The following NOSTRIN variants were observed in gnomAD, a reference collection of about 807,000 sequenced individuals.
The protein encoded by NOSTRIN is BM247 homolog.
Under a neutral mutation model 59.0 loss-of-function variants are expected in NOSTRIN, and 63 were observed. That is an observed-to-expected ratio of 1.07 (90% CI 0.87 to 1.32). NOSTRIN has a LOEUF of 1.32. Among genes scored for constraint, NOSTRIN ranks in the 40% most tolerant of loss-of-function variants. The pLI is 0.00. For synonymous variants in NOSTRIN, 200 were observed against 165.4 expected (o/e 1.21, Z -1.61); for missense variants, 512 against 473.1 (o/e 1.08, Z -0.76).
At chr2:168,856,530 G>A (rs1407760420) in intron 11 of NOSTRIN, 160 bp from the exon 12 acceptor site, 10 of 607,880 alleles carry the variant, frequency 1.6e-5, no homozygotes, top group African/African-American at 3.7e-5. Context: ...AGCCGAGATC[G>A]CGCCACTGCA....
At chr2:168,794,009 A>G (rs935704336), upstream of NOSTRIN, among the ~76,000 whole-genome samples, 9 of 152,186 alleles carry the variant, frequency 5.9e-5, no homozygotes, top group Admixed American at 3.3e-4. Flanking sequence ...CCTCTTCTAT[A>G]TCATATCTTC....
chr2:168,826,936 T>C (rs1220551448), intron 3 of NOSTRIN, among the ~76,000 whole-genome samples: 1 of 152,196 alleles, frequency 6.6e-6, no homozygotes, highest in East Asian at 1.9e-4. Flanking sequence ...TAGAGATTCA[T>C]TTAGTGTTTT....
chr2:168,835,554 G>T (rs1208085641), intron 7 of NOSTRIN, among the ~76,000 whole-genome samples: 1 of 152,122 alleles, frequency 6.6e-6, no homozygotes, highest in East Asian at 1.9e-4. Flanking sequence ...CAATCCACAG[G>T]TTCTTGGCAG....
At chr2:168,837,109 A>T (rs934209607) in intron 7 of NOSTRIN, among the ~76,000 whole-genome samples, 1 of 152,030 alleles carries the variant, frequency 6.6e-6, no homozygotes, top group African/African-American at 2.4e-5. Flanking sequence ...AATCCCATTC[A>T]TGAGGGTTCC....
chr2:168,844,284 C>T (rs1688269839), intron 8 of NOSTRIN, among the ~76,000 whole-genome samples: 1 of 152,098 alleles, frequency 6.6e-6, no homozygotes, highest in South Asian at 2.1e-4. Flanking sequence ...CCTGGTGAAG[C>T]AGTACAACCC....
At chr2:168,821,842 A>T (rs1216726494) in intron 2 of NOSTRIN, among the ~76,000 whole-genome samples, 1 of 152,244 alleles carries the variant, frequency 6.6e-6, no homozygotes, top group African/African-American at 2.4e-5. Flanking sequence ...GCCTGGCAGG[A>T]AGGGAAATCG....
At chr2:168,861,936 T>C (rs746094861) in intron 14 of NOSTRIN, 24 bp from the exon 15 acceptor site, 16 of 1,608,670 alleles carry the variant, frequency 9.9e-6, no homozygotes, top group Non-Finnish European at 1.4e-5. Flanking sequence ...CACAGCATAC[T>C]AATTACAGCT....
upstream of NOSTRIN, among the ~76,000 whole-genome samples, chr2:168,793,498 CTGCT>C (rs1685408799): frequency 6.6e-6 from 1 of 152,096 alleles, no homozygotes; most frequent in African/African-American, 2.4e-5. Flanking sequence ...TTAGCTCTAA[CTGCT>C]TGGAAGGCTG....
intron 2 of NOSTRIN, among the ~76,000 whole-genome samples, chr2:168,791,715 T>C (rs1272142715): frequency 6.7e-6 from 1 of 150,072 alleles, no homozygotes; most frequent in Non-Finnish European, 1.5e-5. Context: ...CTCATTGTGG[T>C]TTTGATTTGC....
Position 168,811,565 on chromosome 2 carries a change from A to G in NOSTRIN, c.28-2A>G. On this transcript the variant is annotated splice_acceptor_variant, in intron 1 of 15. Transcript: ENST00000317647. LOFTEE classifies it high-confidence loss of function. ...TTTTTTGTTATTGTTCTTGTTTTTCAGTATAATAAAGTATACAAGAACCTA... is the reference window on the plus strand; with the variant it reads ...TTTTTTGTTATTGTTCTTGTTTTTCGGTATAATAAAGTATACAAGAACCTA... 1 of 813,542 alleles carries G rather than the reference A, an allele frequency of 1.2e-6. No individual in the cohort carries two copies. The highest frequency in any genetic ancestry group is 2.1e-6 in the Non-Finnish European group (1 of 476,768). 50.4% of individuals were successfully genotyped at this position (813,542 alleles called of 1,614,324 possible).
intron 7 of NOSTRIN, among the ~76,000 whole-genome samples, chr2:168,835,241 A>T (rs563517075): frequency 9.9e-5 from 15 of 150,906 alleles, no homozygotes; most frequent in African/African-American, 3.4e-4. Flanking sequence ...TGCTCGGCTA[A>T]TTTTTTTTTG....
chr2:168,859,357 ATT>A, intron 12 of NOSTRIN, 153 bp from the exon 13 acceptor site: 1 of 1,117,002 alleles, frequency 9.0e-7, no homozygotes. Context: ...TTATTCCTCC[ATT>A]TTTTTTTCCT....
At chr2:168,824,224 C>T (rs960968515) in intron 2 of NOSTRIN, among the ~76,000 whole-genome samples, 1 of 152,154 alleles carries the variant, frequency 6.6e-6, no homozygotes, top group Non-Finnish European at 1.5e-5. Context: ...TCAGCCTGAT[C>T]TCTCCTTCTT....
chr2:168,862,493 T>G (rs1261110274), intron 15 of NOSTRIN, among the ~76,000 whole-genome samples: 1 of 152,162 alleles, frequency 6.6e-6, no homozygotes. Context: ...TTTTTATTTT[T>G]TAGAAGCTAG....
intron 11 of NOSTRIN, chr2:168,856,194 A>G (rs187363326): frequency 4.4e-6 from 1 of 224,912 alleles, no homozygotes; most frequent in African/African-American, 2.4e-5. Context: ...CTCAAATTTC[A>G]TTAAGTGAAG....
At chr2:168,805,845 T>C (rs1321316026) in intron 1 of NOSTRIN, among the ~76,000 whole-genome samples, 1 of 152,178 alleles carries the variant, frequency 6.6e-6, no homozygotes, top group Non-Finnish European at 1.5e-5. Flanking sequence ...CCTAGGAGAA[T>C]CTGACTCGCT....
At chr2:168,805,232 T>C (rs949472428) in intron 1 of NOSTRIN, among the ~76,000 whole-genome samples, 11 of 152,208 alleles carry the variant, frequency 7.2e-5, no homozygotes, top group Non-Finnish European at 2.9e-5. Flanking sequence ...GCAAGGTCAG[T>C]GTTTGAGTTC....
intron 2 of NOSTRIN, among the ~76,000 whole-genome samples, chr2:168,788,892 A>AAGATAGATAGAT (rs4000833): frequency 0.012 from 1,718 of 148,376 alleles, 14 homozygotes; most frequent in East Asian, 0.023. Flanking sequence ...CACAGATAAA[A>AAGATAGATAGAT]AGATAGATAG....
rs545174739 is a variant in NOSTRIN at position 168,859,599 on chromosome 2, C to T, written c.1141C>T (p.His381Tyr). The T allele has an allele frequency of 1.9e-6, 3 of 1,614,108 alleles. No individual in the cohort carries two copies. Among genetic ancestry groups the T allele is most frequent in the East Asian group, 2.2e-5 (1 of 44,872 alleles). Reference protein sequence around the residue: ...AELEQRPQPSHPCSNSIFRWR... With the variant: ...AELEQRPQPSYPCSNSIFRWR... ...ACTTGAGCAAAGACCTCAACCCAGC[C>T]ATCCTTGTAGTAATTCCATCTTCAG... Residue 381 changes from histidine (H) to tyrosine (Y), a missense_variant, in exon 13 of 16, where the codon CAT (histidine) becomes TAT (tyrosine). Coordinates refer to ENST00000317647, the MANE Select transcript of NOSTRIN (RefSeq NM_001039724.4).
Sources: gnomAD v4.1 joint callset for allele counts (sites outside exome capture counted in the v4.1 genomes callset) on GRCh38, gnomAD v4.1.1 for gene constraint, MANE v1.5 for transcripts, NCBI Gene and HGNC (gene_info 2026-07-23, HGNC 2026-07-21) for gene names.